The following CFAP206 variants were observed in gnomAD, a reference collection of about 807,000 sequenced individuals.
CFAP206 encodes cilia- and flagella-associated protein 206.
Under a neutral mutation model 65.4 loss-of-function variants are expected in CFAP206, and 53 were observed. The ratio of observed to expected loss-of-function variants is 0.81; its 90% confidence interval spans 0.65 to 1.02. The LOEUF (loss-of-function observed/expected upper bound fraction) is 1.02. CFAP206 is among the 50% of genes least tolerant of loss of function. CFAP206 has a pLI of 0.00. For synonymous variants in CFAP206, 250 were observed against 254.4 expected (o/e 0.98, Z 0.17); for missense variants, 663 against 753.2 (o/e 0.88, Z 1.40).
intron 7 of CFAP206, among the ~76,000 whole-genome samples, chr6:87,419,739 C>G (rs984519905): frequency 2.0e-5 from 3 of 152,194 alleles, no homozygotes; most frequent in Non-Finnish European, 4.4e-5. Context: ...TCTGTCCTCT[C>G]TCCTTACCTA....
chr6:87,459,366 A>C (rs1440520333), intron 11 of CFAP206, among the ~76,000 whole-genome samples: 1 of 152,170 alleles, frequency 6.6e-6, no homozygotes, highest in Non-Finnish European at 1.5e-5. Flanking sequence ...CCTCTCTGTC[A>C]GAAAAATTGT....
intron 11 of CFAP206, among the ~76,000 whole-genome samples, chr6:87,439,856 T>C (rs1768334070): frequency 6.6e-6 from 1 of 152,120 alleles, no homozygotes; most frequent in Non-Finnish European, 1.5e-5. Flanking sequence ...TTGCACTCTC[T>C]ATTATGTTCA....
chr6:87,424,881 T>TAAG (rs1768008706), intron 7 of CFAP206, among the ~76,000 whole-genome samples: 1 of 152,202 alleles, frequency 6.6e-6, no homozygotes, highest in African/African-American at 2.4e-5. Context: ...GGCTTTACAA[T>TAAG]AAGCTAAATA....
At chr6:87,428,507 CTT>C in intron 8 of CFAP206, 117 bp from the exon 9 acceptor site, 1 of 895,330 alleles carries the variant, frequency 1.1e-6, no homozygotes, top group Non-Finnish European at 1.8e-6. Context: ...GTTCGTAAGA[CTT>C]TTGCTTAGGG....
intron 11 of CFAP206, among the ~76,000 whole-genome samples, chr6:87,448,352 G>T (rs185435238): frequency 1.1e-3 from 172 of 152,112 alleles, no homozygotes; most frequent in African/African-American, 4.0e-3. Flanking sequence ...GTTTTCATGT[G>T]CCCTTAATTT....
Position 87,415,737 on chromosome 6 carries a change from T to C in CFAP206, c.335T>C (p.Val112Ala), listed in dbSNP as rs140349777. Residue 112 changes from valine to alanine, a missense_variant, in exon 5 of 13, where the codon GTT (valine) becomes GCT (alanine). Coordinates refer to ENST00000369562, the MANE Select transcript of CFAP206 (RefSeq NM_001031743.3). ...GTCCTAGAGTCTAGATTAGGCTCTG[T>C]TACCCGAGAAATTACAGATAACAGA... The part of the protein sequence containing the change: ...HRVLESRLGS[V>A]TREITDNRAC... 1.6e-3 allele frequency: 2,514 copies of C among 1,612,420 alleles called. 3 individuals are homozygous for C. The highest frequency in any genetic ancestry group is 1.9e-3 in the Non-Finnish European group (2,297 of 1,179,340).
intron 10 of CFAP206, among the ~76,000 whole-genome samples, chr6:87,434,486 ATTTCTT>A (rs1453369897): frequency 6.2e-4 from 90 of 144,532 alleles, no homozygotes; most frequent in Middle Eastern, 7.2e-3. Flanking sequence ...GAGTAACAAT[ATTTCTT>A]TTTCTTTTTC....
chr6:87,421,498 A>C (rs1767941324), intron 7 of CFAP206, among the ~76,000 whole-genome samples: 1 of 152,210 alleles, frequency 6.6e-6, no homozygotes, highest in African/African-American at 2.4e-5. Flanking sequence ...AAAGAAAAAA[A>C]AAATCCAATA....
chr6:87,447,479 T>G (rs1380675634), intron 11 of CFAP206, among the ~76,000 whole-genome samples: 1 of 152,224 alleles, frequency 6.6e-6, no homozygotes, highest in Non-Finnish European at 1.5e-5. Flanking sequence ...GAATTACGTT[T>G]ATCGATTTGC....
In CFAP206 at chr6:87,431,909, TTC is replaced by T. The variant is rs150246355; in HGVS notation, c.1300+740_1300+741del. Among the ~76,000 whole-genome samples the T allele has an allele frequency of 3.9e-3, 600 of 152,344 alleles. 22 individuals carry two copies. The East Asian group carries it at 0.098, about 25-fold the overall frequency. On this transcript the variant is annotated intron_variant, in intron 10 of 12. Coordinates refer to ENST00000369562, the MANE Select transcript of CFAP206 (RefSeq NM_001031743.3). ...TATATTTCACTGGCATAGATAGGAT[TTC>T]TCTGTTAGACGCCTATAAGGAAATG...
At chr6:87,440,974 A>C (rs1026556549) in intron 11 of CFAP206, among the ~76,000 whole-genome samples, 1 of 152,194 alleles carries the variant, frequency 6.6e-6, no homozygotes, top group African/African-American at 2.4e-5. Context: ...GGAAGAGAGT[A>C]TTCATGGAAG....
At position 87,418,195 on chromosome 6, in the gene CFAP206, C is replaced by A. The variant is rs779603823; in HGVS notation, c.632-13C>A. On this transcript the variant is annotated splice_polypyrimidine_tract_variant and intron_variant, in intron 6 of 12. Coordinates refer to ENST00000369562, the MANE Select transcript of CFAP206 (RefSeq NM_001031743.3). Reference sequence around the variant, plus strand: ...TCTCCTTTATGGCTGCCTTTTCATACTCTTACAAACAGTGCCAGCTGTTCT... The same window carrying A: ...TCTCCTTTATGGCTGCCTTTTCATAATCTTACAAACAGTGCCAGCTGTTCT... 44 of 1,613,256 alleles carry A rather than the reference C, an allele frequency of 2.7e-5. No homozygotes were observed. Among genetic ancestry groups the A allele is most frequent in the Non-Finnish European group, 3.4e-5 (40 of 1,179,482 alleles).
intron 9 of CFAP206, 96 bp from the exon 10 acceptor site, chr6:87,430,937 T>C (rs935367941): frequency 1.6e-5 from 19 of 1,171,038 alleles, no homozygotes; most frequent in Admixed American, 2.4e-5. Context: ...TACAAAGCAA[T>C]AAAAAGGTAA....
intron 11 of CFAP206, among the ~76,000 whole-genome samples, chr6:87,449,481 C>G (rs1351720603): frequency 6.6e-6 from 1 of 150,734 alleles, no homozygotes; most frequent in Non-Finnish European, 1.5e-5. Flanking sequence ...TTCTCTACGT[C>G]CTCACCAGCA....
Position 87,444,935 on chromosome 6 carries a change from G to A in CFAP206, c.1494+9882G>A, listed in dbSNP as rs966643880. Reference sequence around the variant, plus strand: ...CCACTTGTAAGCCTGGGCTGAATCAGGATTTATTTCAATGGCTCTGTTACA... The same window carrying A: ...CCACTTGTAAGCCTGGGCTGAATCAAGATTTATTTCAATGGCTCTGTTACA... On this transcript the variant is annotated intron_variant, in intron 11 of 12. Transcript: ENST00000369562. 1.5e-4 allele frequency: 81 copies of A among 531,390 alleles called. 2 individuals are homozygous for A. The highest frequency in any genetic ancestry group is 5.0e-4 in the South Asian group (36 of 72,388). The allele number at this position is 531,390 out of a possible 1,614,324, so 32.9% of individuals were successfully genotyped here.
chr6:87,428,910 T>G (rs1768105799), intron 9 of CFAP206, 86 bp downstream of exon 9: 1 of 1,280,006 alleles, frequency 7.8e-7, no homozygotes, highest in African/African-American at 1.5e-5. Context: ...ATTTCATATC[T>G]TTCTGATAAA....
chr6:87,413,842 TCCATCCCTGGACACTATTAAGATG>T lies in CFAP206; in HGVS notation c.227_250del (p.Pro76_Met83del). 6.4e-7 allele frequency: 1 copy of T among 1,573,212 alleles called. No individual in the cohort carries two copies. The highest frequency in any genetic ancestry group is 1.2e-5 in the South Asian group (1 of 81,968). The stretch of plus-strand genomic sequence containing the variant: ...TGACTCGGCTATTGGATACTAAAAA[TCCATCCCTGGACACTATTAAGATG>T]CAAGTCTACTTCGATATGAATTATA... On this transcript the variant is annotated inframe_deletion, in exon 4 of 13. Transcript: ENST00000369562.
At chr6:87,452,430 C>T (rs1455949487) in intron 11 of CFAP206, among the ~76,000 whole-genome samples, 1 of 152,124 alleles carries the variant, frequency 6.6e-6, no homozygotes, top group Non-Finnish European at 1.5e-5. Flanking sequence ...CATTGACAAA[C>T]ATCCAGAAGC....
intron 10 of CFAP206, 35 bp downstream of exon 10, chr6:87,431,208 C>T (rs1290609111): frequency 6.3e-7 from 1 of 1,585,824 alleles, no homozygotes; most frequent in South Asian, 1.1e-5. Flanking sequence ...TCTCCTTTCC[C>T]CGATTTTTTC....
Sources: allele counts gnomAD v4.1 joint callset (sites outside exome capture counted in the v4.1 genomes callset), GRCh38; gene constraint gnomAD v4.1.1; transcripts MANE v1.5; gene names NCBI Gene and HGNC (gene_info 2026-07-23, HGNC 2026-07-21).